Variants in ATAD3B observed in about 807,000 individuals in gnomAD.
The protein encoded by ATAD3B is ATPase family AAA domain-containing protein 3B.
In ATAD3B, 59 loss-of-function variants were observed where a neutral mutation model predicts 70.2. The observed-to-expected ratio is 0.84, with a 90% CI of 0.68 to 1.04. ATAD3B has a LOEUF of 1.04. ATAD3B is among the 50% of genes least tolerant of loss of function. The pLI is 0.00. For missense variants in ATAD3B, 961 were observed against 913.4 expected, an observed-to-expected ratio of 1.05 and a Z score of -0.67; for synonymous variants, 423 against 388.6, an observed-to-expected ratio of 1.09 and a Z score of -1.04.
At chr1:1,479,686 G>A (rs1367450146) in intron 4 of ATAD3B, among the ~76,000 whole-genome samples, 1 of 136,870 alleles carries the variant, frequency 7.3e-6, no homozygotes, top group Admixed American at 7.6e-5. Context: ...TGGGTCCTCA[G>A]GCACACACTC....
chr1:1,490,459 G>T (rs750795541), intron 14 of ATAD3B, 35 bp downstream of exon 14: 2 of 1,612,214 alleles, frequency 1.2e-6, no homozygotes, highest in South Asian at 2.2e-5. Context: ...CCCAATCCAG[G>T]CACCATATGG....
chr1:1,489,558 G>C, intron 13 of ATAD3B: 2 of 1,031,282 alleles, frequency 1.9e-6, no homozygotes, highest in Middle Eastern at 3.3e-4. Flanking sequence ...CTGCGGTCCT[G>C]TGCCTGCAAG....
At chr1:1,481,925 T>C (rs1203324994) in intron 5 of ATAD3B, among the ~76,000 whole-genome samples, 1 of 152,014 alleles carries the variant, frequency 6.6e-6, no homozygotes, top group Non-Finnish European at 1.5e-5. Context: ...GTCCACGGCA[T>C]GGGCCTGTCT....
At chr1:1,485,917 C>A in intron 9 of ATAD3B, 79 bp downstream of exon 9, 2 of 1,608,220 alleles carry the variant, frequency 1.2e-6, no homozygotes, top group East Asian at 2.2e-5. Context: ...CTTGCTAGCG[C>A]TCGTGGTGGC....
chr1:1,477,251 C>G, intron 1 of ATAD3B, 23 bp from the exon 2 acceptor site: 3 of 1,611,662 alleles, frequency 1.9e-6, no homozygotes, highest in African/African-American at 1.3e-5. Flanking sequence ...TACACCTGCT[C>G]TCCGTGCCAC....
At chr1:1,501,809 A>G (rs1290305792), downstream of ATAD3B, among the ~76,000 whole-genome samples, 1 of 152,190 alleles carries the variant, frequency 6.6e-6, no homozygotes, top group African/African-American at 2.4e-5. Context: ...TCCGTGGGTT[A>G]CTACATTAAG....
chr1:1,493,938 T>C (rs1467151926), intron 15 of ATAD3B, among the ~76,000 whole-genome samples: 1 of 151,876 alleles, frequency 6.6e-6, no homozygotes, highest in Non-Finnish European at 1.5e-5. Context: ...CTTCCTAGGA[T>C]GAGTGAGGAA....
downstream of ATAD3B, among the ~76,000 whole-genome samples, chr1:1,499,586 CTTTTTTTTT>C (rs71578322): frequency 1.8e-4 from 12 of 65,772 alleles, no homozygotes; most frequent in South Asian, 4.1e-3. Context: ...CCAAACAGCT[CTTTTTTTTT>C]TTTTTTTTTT....
intron 5 of ATAD3B, among the ~76,000 whole-genome samples, 179 bp from the exon 6 acceptor site, chr1:1,481,959 C>T (rs705580): frequency 0.29 from 42,059 of 144,750 alleles, 10,455 homozygotes; most frequent in African/African-American, 0.67. Flanking sequence ...GTCCGTGGTG[C>T]GGGCCTGTCC....
chr1:1,508,358 C>T, the ATAD3B span, among the ~76,000 whole-genome samples: 91 of 150,730 alleles, frequency 6.0e-4, 5 homozygotes, highest in East Asian at 1.4e-3. Context: ...TCTATCGTGG[C>T]GACGGTGTTG....
intron 7 of ATAD3B, 105 bp downstream of exon 7, chr1:1,482,719 G>C (rs745436828): frequency 6.4e-7 from 1 of 1,566,170 alleles, no homozygotes; most frequent in Non-Finnish European, 8.8e-7. Flanking sequence ...CAGCCCTGTA[G>C]CTCTCCCAGC....
chr1:1,484,925 G>C (rs962849651), intron 7 of ATAD3B, 91 bp from the exon 8 acceptor site: 14 of 1,493,550 alleles, frequency 9.4e-6, no homozygotes, highest in South Asian at 1.3e-5. Flanking sequence ...TCCCTCAGGC[G>C]GAGAGAGGGT....
chr1:1,486,090 A>G lies in ATAD3B; in HGVS notation c.964-20A>G. On this transcript the variant is annotated intron_variant, in intron 9 of 15. Transcript: ENST00000673477. ...CGTGGGTGCAGAGTGTCTCCCCCAA[A>G]CCCCCGTCTTCCCCGGCAGCCCAGC... 6.2e-7 allele frequency: 1 copy of G among 1,610,832 alleles called. No individual in the cohort carries two copies. Among genetic ancestry groups the G allele is most frequent in the Non-Finnish European group, 8.5e-7 (1 of 1,179,020 alleles).
chr1:1,506,853 T>A, the ATAD3B span, among the ~76,000 whole-genome samples: 1 of 148,408 alleles, frequency 6.7e-6, no homozygotes, highest in Non-Finnish European at 1.5e-5. Flanking sequence ...AGTGGCACAA[T>A]CTCGGCTCAC....
At chr1:1,500,817 C>T (rs575824498), downstream of ATAD3B, among the ~76,000 whole-genome samples, 14 of 151,392 alleles carry the variant, frequency 9.2e-5, no homozygotes, top group South Asian at 1.0e-3. Context: ...ATTAGCCGGG[C>T]GTGGTAGCAG....
rs1481625188 is a variant in ATAD3B, at chr1:1,478,863, G to A, written c.384+118G>A. The A allele has an allele frequency of 2.3e-5, 20 of 874,092 alleles. No homozygotes were observed. In the East Asian group the frequency reaches 3.5e-4, roughly 15 times the overall value. The allele number at this position is 874,092 out of a possible 1,614,324, so 54.1% of individuals were successfully genotyped here. On this transcript the variant is annotated intron_variant, in intron 3 of 15. Coordinates refer to ENST00000673477, the MANE Select transcript of ATAD3B (RefSeq NM_031921.6). ...GGAGTCAGCCATTAGAGCTGCCCTCGGAACGGCCTTGCACAAACGCCTAAG... is the reference window on the plus strand; with the variant it reads ...GGAGTCAGCCATTAGAGCTGCCCTCAGAACGGCCTTGCACAAACGCCTAAG...
intron 11 of ATAD3B, among the ~76,000 whole-genome samples, chr1:1,487,250 G>T (rs1335569773): frequency 1.3e-5 from 2 of 152,018 alleles, no homozygotes; most frequent in East Asian, 3.9e-4. Flanking sequence ...CAGACTTTCG[G>T]AGGCGGAGGC....
intron 13 of ATAD3B, 99 bp downstream of exon 13, chr1:1,489,373 G>A: frequency 6.3e-7 from 1 of 1,581,206 alleles, no homozygotes; most frequent in Non-Finnish European, 8.6e-7. Context: ...CTGGGCACCA[G>A]CTGTGGCCTC....
In ATAD3B at chr1:1,477,264, G is replaced by A; in HGVS notation, c.206-10G>A. On this transcript the variant is annotated splice_polypyrimidine_tract_variant and intron_variant, in intron 1 of 15. Coordinates refer to ENST00000673477, the MANE Select transcript of ATAD3B (RefSeq NM_031921.6). ...CCTACACCTGCTCTCCGTGCCACAT[G>A]CGCCCGCAGGTTACGCCAAGGAGGC... is the stretch of plus-strand genomic sequence containing the variant. 1 of 1,612,202 alleles carries A rather than the reference G, an allele frequency of 6.2e-7. No individual in the cohort carries two copies. The highest frequency in any genetic ancestry group is 2.2e-5 in the East Asian group (1 of 44,878).
Sources: allele counts gnomAD v4.1 joint callset (sites outside exome capture counted in the v4.1 genomes callset), GRCh38; gene constraint gnomAD v4.1.1; transcripts MANE v1.5; gene names NCBI Gene and HGNC (gene_info 2026-07-23, HGNC 2026-07-21).